MTBP: variants seen among roughly 807,000 people sequenced by gnomAD.
The protein encoded by MTBP is MDM2 binding protein, also known as mdm2-binding protein.
Under a neutral mutation model 117.0 loss-of-function variants are expected in MTBP, and 101 were observed. That is an observed-to-expected ratio of 0.86 (90% CI 0.73 to 1.02). The LOEUF is 1.02. Ranked by LOEUF, MTBP falls within the 50% of genes least tolerant of loss-of-function variation. MTBP has a pLI of 0.00. For synonymous variants in MTBP, 350 were observed against 351.5 expected (o/e 1.00, Z 0.05); for missense variants, 970 against 1,030.9 (o/e 0.94, Z 0.81).
chr8:120,522,785 A>C, intron 21 of MTBP, 66 bp downstream of exon 21: 1 of 1,218,716 alleles, frequency 8.2e-7, no homozygotes, highest in Non-Finnish European at 1.2e-6. Flanking sequence ...GGTTGCTCTG[A>C]TGCCATTATA....
chr8:120,466,166 G>T, intron 10 of MTBP, among the ~76,000 whole-genome samples: 1 of 149,106 alleles, frequency 6.7e-6, no homozygotes. Flanking sequence ...TAAATATGAA[G>T]TAATTTATTT....
intron 19 of MTBP, 31 bp downstream of exon 19, chr8:120,518,131 C>T (rs763772427): frequency 7.7e-6 from 12 of 1,558,794 alleles, no homozygotes; most frequent in Non-Finnish European, 1.0e-5. Flanking sequence ...TTTCTTAGTT[C>T]TACATAGGAA....
At chr8:120,492,375 A>G (rs939959970) in intron 13 of MTBP, among the ~76,000 whole-genome samples, 38 of 152,364 alleles carry the variant, frequency 2.5e-4, no homozygotes, top group African/African-American at 8.7e-4. Flanking sequence ...CAATGTAAGC[A>G]TGTCTTAAGT....
At chr8:120,492,125 T>C (rs1563799030) in intron 13 of MTBP, among the ~76,000 whole-genome samples, 1 of 152,208 alleles carries the variant, frequency 6.6e-6, no homozygotes, top group Non-Finnish European at 1.5e-5. Context: ...AGACACTGGC[T>C]CTGGGTATGT....
intron 10 of MTBP, among the ~76,000 whole-genome samples, chr8:120,466,673 G>T (rs567116873): frequency 5.5e-4 from 83 of 150,876 alleles, no homozygotes; most frequent in African/African-American, 1.8e-3. Flanking sequence ...AAGAGTTTGA[G>T]ACCAGCCTGG....
Position 120,445,429 on chromosome 8 carries a change from G to A in MTBP, c.-42G>A. On this transcript the variant is annotated 5_prime_UTR_variant, in exon 1 of 22. It adds an upstream start codon to the 5' untranslated region. Coordinates refer to ENST00000305949, the MANE Select transcript of MTBP (RefSeq NM_022045.5). ...CGTCATAGCGCGCGTCTGTTTGGAT[G>A]TGGAAGCCGAGACCTAAAGTTGGGG... The A allele has an allele frequency of 6.5e-7, 1 of 1,549,618 alleles. No individual in the cohort carries two copies. Among genetic ancestry groups the A allele is most frequent in the Non-Finnish European group, 8.9e-7 (1 of 1,123,986 alleles).
At chr8:120,508,370 C>T (rs138760353) in intron 16 of MTBP, among the ~76,000 whole-genome samples, 4 of 151,572 alleles carry the variant, frequency 2.6e-5, no homozygotes, top group South Asian at 4.2e-4. Flanking sequence ...TTGCTGAGGG[C>T]GATTGATATG....
intron 7 of MTBP, among the ~76,000 whole-genome samples, chr8:120,457,321 T>A (rs904697305): frequency 6.6e-6 from 1 of 152,218 alleles, no homozygotes; most frequent in Non-Finnish European, 1.5e-5. Flanking sequence ...GAAATAAGTG[T>A]TCATAGTAAT....
chr8:120,459,691 G>C (rs1444475054), intron 8 of MTBP, among the ~76,000 whole-genome samples: 3 of 152,144 alleles, frequency 2.0e-5, no homozygotes, highest in Admixed American at 6.5e-5. Context: ...GTAAACCTGG[G>C]TTTGGAACCT....
In MTBP at chr8:120,505,801, T is replaced by G. The variant is rs763200134; in HGVS notation, c.1728-905T>G. Among the ~76,000 whole-genome samples the G allele has an allele frequency of 5.4e-4, 82 of 152,182 alleles. 3 individuals are homozygous for G. Among genetic ancestry groups the G allele is most frequent in the Non-Finnish European group, 1.5e-4 (10 of 68,014 alleles). On this transcript the variant is annotated intron_variant, in intron 15 of 21. Transcript: ENST00000305949. Reference sequence around the variant, plus strand: ...TGGAAACATCTAACTGAAACTACAGTGCTTTTCACTTGCCGGTATTTAAAA... The same window carrying G: ...TGGAAACATCTAACTGAAACTACAGGGCTTTTCACTTGCCGGTATTTAAAA...
At chr8:120,486,200 A>G (rs1321138841) in intron 11 of MTBP, among the ~76,000 whole-genome samples, 3 of 152,088 alleles carry the variant, frequency 2.0e-5, no homozygotes, top group African/African-American at 7.2e-5. Flanking sequence ...TAAGTGAACT[A>G]CCAGCCTCCT....
chr8:120,456,487 A>G, intron 6 of MTBP, 66 bp from the exon 7 acceptor site: 1 of 1,022,068 alleles, frequency 9.8e-7, no homozygotes, highest in Non-Finnish European at 1.4e-6. Flanking sequence ...CTTGTAGTTA[A>G]CTATAATGAT....
rs775662407 is a variant in MTBP at position 120,461,110 on chromosome 8, T to C, written c.883-51T>C. ...TTAAACCCTTAATCACTAATTTGTT[T>C]ACTTTTGTTTATGGTATTTAAATAT... On this transcript the variant is annotated intron_variant, in intron 8 of 21. Transcript: ENST00000305949. The C allele has an allele frequency of 1.1e-5, 14 of 1,322,896 alleles. No individual in the cohort carries two copies. In the African/African-American group the frequency reaches 1.6e-4, roughly 15 times the overall value. The allele number at this position is 1,322,896 out of a possible 1,614,324, so 81.9% of individuals were successfully genotyped here.
Position 120,459,362 on chromosome 8 carries a change from A to G in MTBP, c.882+13A>G, listed in dbSNP as rs1813537893. 1 of 1,586,988 alleles carries G rather than the reference A, an allele frequency of 6.3e-7. No individual in the cohort carries two copies. Among genetic ancestry groups the G allele is most frequent in the Non-Finnish European group, 8.6e-7 (1 of 1,169,570 alleles). ...TATTTTGCCAAAGGTAATCGTGTTT[A>G]ATTTTTTTGTGTGATCATTCATGTG... On this transcript the variant is annotated intron_variant, in intron 8 of 21. Transcript: ENST00000305949.
chr8:120,502,029 T>A (rs1410785438), intron 14 of MTBP, among the ~76,000 whole-genome samples: 1 of 152,210 alleles, frequency 6.6e-6, no homozygotes, highest in Non-Finnish European at 1.5e-5. Flanking sequence ...ATAACTTATC[T>A]ATTATTATTG....
rs576244740 is a variant in MTBP at position 120,514,976 on chromosome 8, A to T, written c.1980-949A>T. 1.5e-3 allele frequency among the ~76,000 whole-genome samples: 231 copies of T among 152,138 alleles called. 1 individual carries two copies. Among genetic ancestry groups the T allele is most frequent in the African/African-American group, 5.2e-3 (216 of 41,550 alleles). Reference sequence around the variant, plus strand: ...CTGACTCCGTAAGTCTGTATCAAATATGTAAGTGTCACAAGGGAAAGATAA... The same window carrying T: ...CTGACTCCGTAAGTCTGTATCAAATTTGTAAGTGTCACAAGGGAAAGATAA... On this transcript the variant is annotated intron_variant, in intron 17 of 21. Transcript: ENST00000305949.
At chr8:120,484,817 C>G (rs1049162561) in intron 11 of MTBP, among the ~76,000 whole-genome samples, 1 of 152,138 alleles carries the variant, frequency 6.6e-6, no homozygotes, top group African/African-American at 2.4e-5. Context: ...ATTTCCACCA[C>G]CCATTCCTCC....
chr8:120,503,175 T>G (rs1387744544), intron 15 of MTBP, among the ~76,000 whole-genome samples: 1 of 152,184 alleles, frequency 6.6e-6, no homozygotes, highest in Non-Finnish European at 1.5e-5. Flanking sequence ...AAATCACATT[T>G]TTATTTTTAG....
intron 11 of MTBP, among the ~76,000 whole-genome samples, chr8:120,474,368 T>G (rs572344929): frequency 6.6e-6 from 1 of 152,068 alleles, no homozygotes; most frequent in East Asian, 1.9e-4. Flanking sequence ...TCTTACCCAT[T>G]GATGGAACTT....
Sources: allele counts gnomAD v4.1 joint callset (sites outside exome capture counted in the v4.1 genomes callset), GRCh38; gene constraint gnomAD v4.1.1; transcripts MANE v1.5; gene names NCBI Gene and HGNC (gene_info 2026-07-23, HGNC 2026-07-21).